The following ADAMTSL1 variants were observed in gnomAD, a reference collection of about 807,000 sequenced individuals.
ADAMTSL1 encodes the protein ADAMTS-like protein 1.
In ADAMTSL1, 126 loss-of-function variants were observed where a neutral mutation model predicts 201.8. That is an observed-to-expected ratio of 0.62 (90% confidence interval 0.54 to 0.72). ADAMTSL1 has a LOEUF of 0.72. Among genes scored for constraint, ADAMTSL1 ranks in the 30% least tolerant of loss-of-function variants. The pLI is 0.00. For synonymous variants in ADAMTSL1, 1,121 were observed against 903.4 expected, an observed-to-expected ratio of 1.24 and a Z score of -4.32; for missense variants, 2,679 against 2,277.8, an observed-to-expected ratio of 1.18 and a Z score of -3.59.
chr9:18,254,529 A>G lies in ADAMTSL1; in HGVS notation c.207+90548A>G, dbSNP rs2132505800. Among the ~76,000 whole-genome samples the G allele has an allele frequency of 2.0e-5, 3 of 151,472 alleles. No individual in the cohort carries two copies. In the East Asian group the frequency reaches 5.9e-4, roughly 30 times the overall value. Reference sequence around the variant, plus strand: ...AGGCTCCCGCCACCACGCCCGGCTAACTTTTTTGTATTTTTAGTAAAGACG... The same window carrying G: ...AGGCTCCCGCCACCACGCCCGGCTAGCTTTTTTGTATTTTTAGTAAAGACG... On this transcript the variant is annotated intron_variant, in intron 2 of 29. Coordinates refer to the ADAMTSL1 transcript ENST00000680146.
At chr9:18,854,479 G>A (rs1009365821) in intron 23 of ADAMTSL1, among the ~76,000 whole-genome samples, 1 of 152,176 alleles carries the variant, frequency 6.6e-6, no homozygotes, top group South Asian at 2.1e-4. Context: ...TGTGAGAAGA[G>A]GAACCAGGTA....
At chr9:18,571,674 G>C (rs1822311914) in intron 3 of ADAMTSL1, among the ~76,000 whole-genome samples, 1 of 152,186 alleles carries the variant, frequency 6.6e-6, no homozygotes. Context: ...ATCTCAAGTG[G>C]GGAAATTTAA....
intron 2 of ADAMTSL1, among the ~76,000 whole-genome samples, chr9:18,391,823 T>TG (rs1838058699): frequency 1.0e-5 from 1 of 99,218 alleles, no homozygotes; most frequent in East Asian, 4.2e-4. Flanking sequence ...TTCTTTTCTT[T>TG]CTTTTTTTTT....
chr9:18,452,828 A>C (rs1408789190), intron 2 of ADAMTSL1, among the ~76,000 whole-genome samples: 2 of 152,248 alleles, frequency 1.3e-5, no homozygotes, highest in Admixed American at 6.5e-5. Context: ...ACGCAGCCTC[A>C]TTCCTTTGAC....
At chr9:18,415,737 A>G (rs1381638014) in intron 2 of ADAMTSL1, among the ~76,000 whole-genome samples, 2 of 152,162 alleles carry the variant, frequency 1.3e-5, no homozygotes, top group African/African-American at 4.8e-5. Context: ...AGGAAGCTAC[A>G]CTAAGTCACA....
chr9:18,303,497 G>A (rs539275195), intron 2 of ADAMTSL1, among the ~76,000 whole-genome samples: 14 of 152,300 alleles, frequency 9.2e-5, no homozygotes, highest in African/African-American at 3.4e-4. Context: ...ACTCAGCTCA[G>A]CCCAAGGCCA....
At chr9:18,890,648 T>A in intron 25 of ADAMTSL1, 1 of 455,584 alleles carries the variant, frequency 2.2e-6, no homozygotes, top group Non-Finnish European at 4.4e-6. Flanking sequence ...ACGGGAAGGT[T>A]TCCACAGGAA....
intron 1 of ADAMTSL1, among the ~76,000 whole-genome samples, chr9:18,051,082 AT>A (rs1017380958): frequency 2.6e-5 from 4 of 152,162 alleles, no homozygotes; most frequent in African/African-American, 9.7e-5. Flanking sequence ...CGGGCAGATC[AT>A]GAGGTCAGGA....
intron 1 of ADAMTSL1, among the ~76,000 whole-genome samples, chr9:18,142,260 T>A (rs1413747084): frequency 1.3e-5 from 2 of 152,154 alleles, no homozygotes; most frequent in Non-Finnish European, 2.9e-5. Flanking sequence ...ACCAAATACA[T>A]TAGAATATCT....
In ADAMTSL1 at chr9:18,855,903, C is replaced by A. The variant is rs150155387; in HGVS notation, c.4249+25926C>A. Among the ~76,000 whole-genome samples, 192 of 152,284 alleles carry A rather than the reference C, an allele frequency of 1.3e-3. 2 individuals are homozygous for A. The Middle Eastern group carries it at 0.027, about 22-fold the overall frequency. On this transcript the variant is annotated intron_variant, in intron 23 of 28. Transcript: ENST00000380548. ...ACAAGCCTGTGTGTCTGATGTCCTG[C>A]CAGCTTCCTGAGCCCAGAAAAAGAA...
chr9:18,873,033 A>T (rs1827954986), intron 23 of ADAMTSL1, among the ~76,000 whole-genome samples: 1 of 152,232 alleles, frequency 6.6e-6, no homozygotes, highest in Non-Finnish European at 1.5e-5. Context: ...GTAAGGTGGT[A>T]TCACATTGTA....
At chr9:18,587,946 A>G (rs1463272481) in intron 4 of ADAMTSL1, among the ~76,000 whole-genome samples, 5 of 152,322 alleles carry the variant, frequency 3.3e-5, no homozygotes, top group South Asian at 4.1e-4. Context: ...GAATGCAGGT[A>G]TCTCTTTGAT....
At chr9:18,761,476 T>C (rs926658872) in intron 16 of ADAMTSL1, among the ~76,000 whole-genome samples, 1 of 152,162 alleles carries the variant, frequency 6.6e-6, no homozygotes, top group African/African-American at 2.4e-5. Flanking sequence ...ATAGATACTA[T>C]TTTTCTTATG....
rs903035428 is a variant in ADAMTSL1 at position 18,341,393 on chromosome 9, A to G, written c.208-163436A>G. On this transcript the variant is annotated intron_variant, in intron 2 of 29. Transcript: ENST00000680146. ...ACCCTTTATCTTCCTAACTTGCATT[A>G]CTTCTTTATCTTCCTAACTTGCATT... 2.6e-5 allele frequency among the ~76,000 whole-genome samples: 4 copies of G among 152,146 alleles called. No individual in the cohort carries two copies. In the South Asian group the frequency reaches 6.2e-4, roughly 24 times the overall value.
At chr9:18,029,990 G>A (rs1206037370) in intron 1 of ADAMTSL1, among the ~76,000 whole-genome samples, 10 of 151,970 alleles carry the variant, frequency 6.6e-5, no homozygotes, top group East Asian at 1.9e-4. Context: ...TCAGTGTGGC[G>A]ATTCCTCAGG....
intron 2 of ADAMTSL1, among the ~76,000 whole-genome samples, chr9:18,202,723 T>C (rs941415519): frequency 3.3e-5 from 5 of 152,178 alleles, no homozygotes; most frequent in African/African-American, 1.2e-4. Context: ...TATATGCTTC[T>C]CTCTTCAAGG....
chr9:17,946,199 G>C (rs920672669), intron 1 of ADAMTSL1, among the ~76,000 whole-genome samples: 1 of 150,942 alleles, frequency 6.6e-6, no homozygotes, highest in African/African-American at 2.4e-5. Flanking sequence ...GAGGTCTTCT[G>C]TATTGCCCAG....
chr9:18,622,598 T>C (rs768829739), intron 5 of ADAMTSL1: 1 of 609,180 alleles, frequency 1.6e-6, no homozygotes, highest in Non-Finnish European at 2.9e-6. Flanking sequence ...ACATCAGGAG[T>C]GAACCAGACA....
At chr9:18,485,118 G>A (rs369108125) in intron 1 of ADAMTSL1, among the ~76,000 whole-genome samples, 3 of 152,106 alleles carry the variant, frequency 2.0e-5, no homozygotes, top group African/African-American at 7.2e-5. Flanking sequence ...TCTTGACAAG[G>A]AAACTGAGGC....
Sources: allele counts gnomAD v4.1 joint callset (sites outside exome capture counted in the v4.1 genomes callset), GRCh38; gene constraint gnomAD v4.1.1; transcripts MANE v1.5; gene names NCBI Gene and HGNC (gene_info 2026-07-23, HGNC 2026-07-21).